Variants in PCCA observed in about 807,000 individuals in gnomAD.
PCCA encodes propionyl-CoA carboxylase alpha chain, mitochondrial.
PCCA carries 74 observed loss-of-function variants against 101.3 expected under a neutral mutation model. The observed-to-expected ratio is 0.73, with a 90% confidence interval of 0.61 to 0.89. The LOEUF (loss-of-function observed/expected upper bound fraction) is 0.89. Among genes scored for constraint, PCCA ranks in the 40% least tolerant of loss-of-function variants. The pLI, the probability that PCCA is intolerant of heterozygous loss-of-function variation, is 0.00. For synonymous variants in PCCA, 294 were observed against 313.6 expected, an observed-to-expected ratio of 0.94 and a Z score of 0.66; for missense variants, 891 against 907.0, an observed-to-expected ratio of 0.98 and a Z score of 0.23.
chr13:100,240,944 A>G (rs1448095049), intron 8 of PCCA, among the ~76,000 whole-genome samples: 2 of 152,132 alleles, frequency 1.3e-5, no homozygotes, highest in Admixed American at 1.3e-4. Context: ...ATATATATAT[A>G]TAACTTAGAA....
chr13:100,500,288 G>A (rs537191673), intron 21 of PCCA, among the ~76,000 whole-genome samples: 4 of 151,322 alleles, frequency 2.6e-5, no homozygotes, highest in Admixed American at 2.0e-4. Context: ...CAAGGGCAGT[G>A]GTGGTCTGGC....
At chr13:100,117,854 C>T (rs777892205) in intron 4 of PCCA, among the ~76,000 whole-genome samples, 3 of 151,972 alleles carry the variant, frequency 2.0e-5, no homozygotes, top group African/African-American at 4.8e-5. Flanking sequence ...TAGTGGCTCA[C>T]GCCTGTAATC....
At chr13:100,117,433 T>C (rs1594179219) in intron 4 of PCCA, among the ~76,000 whole-genome samples, 2 of 28,590 alleles carry the variant, frequency 7.0e-5, no homozygotes, top group South Asian at 7.3e-4. Flanking sequence ...TGTGTGTGCA[T>C]TTTTTTTTTT....
chr13:100,179,600 T>C (rs1381346229), intron 6 of PCCA, among the ~76,000 whole-genome samples: 1 of 152,210 alleles, frequency 6.6e-6, no homozygotes, highest in Non-Finnish European at 1.5e-5. Flanking sequence ...ATTGTTTAAA[T>C]TACCATGCTT....
chr13:100,151,730 G>A (rs901804383), intron 4 of PCCA, among the ~76,000 whole-genome samples: 1 of 152,144 alleles, frequency 6.6e-6, no homozygotes, highest in Non-Finnish European at 1.5e-5. Context: ...ACTATACTTA[G>A]TGTTAGTATT....
At chr13:100,457,729 C>T (rs1265951825) in intron 21 of PCCA, among the ~76,000 whole-genome samples, 1 of 152,204 alleles carries the variant, frequency 6.6e-6, no homozygotes, top group Non-Finnish European at 1.5e-5. Flanking sequence ...AAAGAACAAT[C>T]AGTGTCTTGC....
chr13:100,208,943 T>A (rs1331588793), intron 6 of PCCA, among the ~76,000 whole-genome samples: 1 of 152,212 alleles, frequency 6.6e-6, no homozygotes, highest in East Asian at 1.9e-4. Flanking sequence ...GAAATATGGA[T>A]ATTTGTGTTA....
chr13:100,166,727 G>T (rs1311872917), intron 6 of PCCA, among the ~76,000 whole-genome samples: 1 of 152,148 alleles, frequency 6.6e-6, no homozygotes, highest in Non-Finnish European at 1.5e-5. Context: ...ACAACTAGAG[G>T]TGCTATGAAC....
chr13:100,269,905 T>C (rs2152573628), intron 11 of PCCA, among the ~76,000 whole-genome samples: 1 of 152,280 alleles, frequency 6.6e-6, no homozygotes, highest in Non-Finnish European at 1.5e-5. Context: ...CTTTGAGCAG[T>C]GAGGGGAAGG....
chr13:100,418,517 C>T (rs954829119), intron 19 of PCCA, among the ~76,000 whole-genome samples: 24 of 152,112 alleles, frequency 1.6e-4, no homozygotes, highest in Non-Finnish European at 2.8e-4. Flanking sequence ...GTTTTATTTC[C>T]TCTAATTCAT....
intron 1 of PCCA, among the ~76,000 whole-genome samples, chr13:100,094,504 AG>A (rs1190898519): frequency 6.6e-6 from 1 of 152,348 alleles, no homozygotes; most frequent in African/African-American, 2.4e-5. Flanking sequence ...TCAAAATAAA[AG>A]TGAATTTAAA....
chr13:100,126,982 GC>G (rs778271989), intron 4 of PCCA, among the ~76,000 whole-genome samples: 91 of 152,290 alleles, frequency 6.0e-4, no homozygotes, highest in Non-Finnish European at 1.2e-3. Flanking sequence ...AGTAAAACTT[GC>G]AACCAAGACC....
At chr13:100,516,962 T>C (rs1359544310) in intron 22 of PCCA, among the ~76,000 whole-genome samples, 1 of 152,052 alleles carries the variant, frequency 6.6e-6, no homozygotes, top group Admixed American at 6.5e-5. Context: ...TTTCTTAAGT[T>C]TTTTTTCTGG....
chr13:100,237,803 T>C (rs964224525), intron 8 of PCCA, among the ~76,000 whole-genome samples: 3 of 151,940 alleles, frequency 2.0e-5, no homozygotes, highest in Non-Finnish European at 2.9e-5. Context: ...TAGAAGAAAA[T>C]TTACAGTTAC....
chr13:100,180,898 AATT>A (rs2056735954), intron 6 of PCCA, among the ~76,000 whole-genome samples: 1 of 152,244 alleles, frequency 6.6e-6, no homozygotes, highest in South Asian at 2.1e-4. Context: ...CTTCCCTGAC[AATT>A]ATTGATTCAG....
At chr13:100,498,202 C>T (rs988189167) in intron 21 of PCCA, among the ~76,000 whole-genome samples, 24 of 150,274 alleles carry the variant, frequency 1.6e-4, no homozygotes, top group Admixed American at 1.1e-3. Context: ...TCGCCAGTTG[C>T]CTCTCTTTTT....
intron 1 of PCCA, among the ~76,000 whole-genome samples, chr13:100,094,720 T>C (rs972555557): frequency 2.6e-5 from 4 of 152,176 alleles, no homozygotes; most frequent in African/African-American, 9.7e-5. Context: ...CCTGAGTAGC[T>C]GGGATTACAG....
chr13:100,497,109 A>C (rs2085331827), intron 21 of PCCA, among the ~76,000 whole-genome samples: 1 of 152,218 alleles, frequency 6.6e-6, no homozygotes, highest in South Asian at 2.1e-4. Context: ...TCCCCTAATT[A>C]ACACAGAGCT....
intron 17 of PCCA, among the ~76,000 whole-genome samples, chr13:100,333,568 T>G (rs548544329): frequency 6.6e-6 from 1 of 152,352 alleles, no homozygotes; most frequent in East Asian, 1.9e-4. Flanking sequence ...TTGTCATCTC[T>G]TTAGATGTGG....
Sources: gnomAD v4.1 joint callset for allele counts (sites outside exome capture counted in the v4.1 genomes callset) on GRCh38, gnomAD v4.1.1 for gene constraint, MANE v1.5 for transcripts, NCBI Gene and HGNC (gene_info 2026-07-23, HGNC 2026-07-21) for gene names.